KLF8: variants seen among roughly 807,000 people sequenced by gnomAD.
The protein encoded by KLF8 is KLF transcription factor 8.
KLF8 carries 10 observed loss-of-function variants against 18.2 expected under a neutral mutation model. That is an observed-to-expected ratio of 0.55 (90% CI 0.34 to 0.93). The LOEUF (loss-of-function observed/expected upper bound fraction) is 0.93, where lower values mean the gene tolerates loss of function less well. KLF8 is among the 40% of genes least tolerant of loss of function. KLF8 has a pLI of 0.02. For synonymous variants in KLF8, 109 were observed against 97.3 expected, an observed-to-expected ratio of 1.12 and a Z score of -0.71; for missense variants, 264 against 277.9, an observed-to-expected ratio of 0.95 and a Z score of 0.36.
chrX:56,008,093 T>G, the KLF8 span, among the ~76,000 whole-genome samples: 1 of 108,124 alleles, frequency 9.2e-6, no homozygotes, highest in Admixed American at 9.7e-5. Flanking sequence ...GTTATGCAAA[T>G]AACTGGAATT....
At chrX:56,196,474 C>T in the KLF8 span, among the ~76,000 whole-genome samples, 1 of 111,278 alleles carries the variant, frequency 9.0e-6, no homozygotes, top group African/African-American at 3.3e-5. Flanking sequence ...ACACTTTAAA[C>T]CAACAAAGAT....
At chrX:56,170,489 T>C in the KLF8 span, among the ~76,000 whole-genome samples, 1 of 109,517 alleles carries the variant, frequency 9.1e-6, no homozygotes, top group African/African-American at 3.3e-5. Flanking sequence ...AACAAAGAGA[T>C]TGAAATAATT....
the KLF8 span, among the ~76,000 whole-genome samples, chrX:56,210,307 T>A: frequency 1.1e-4 from 12 of 112,111 alleles, no homozygotes; most frequent in East Asian, 2.5e-3. Context: ...TTTCACTAGA[T>A]ATGCTATTCT....
the KLF8 span, among the ~76,000 whole-genome samples, chrX:56,007,884 G>A: frequency 2.7e-5 from 3 of 110,628 alleles, no homozygotes; most frequent in Non-Finnish European, 5.7e-5. Context: ...GATTTGTTCA[G>A]CAAACCACCA....
At chrX:56,137,555 T>G in the KLF8 span, among the ~76,000 whole-genome samples, 1 of 90,433 alleles carries the variant, frequency 1.1e-5, no homozygotes, top group South Asian at 5.9e-4. Context: ...AATTGAACAA[T>G]GAGAACACAG....
At chrX:56,259,318 AC>A (rs1364543948) in intron 2 of KLF8, among the ~76,000 whole-genome samples, 4 of 110,879 alleles carry the variant, frequency 3.6e-5, no homozygotes, top group Non-Finnish European at 5.7e-5. Flanking sequence ...CTACATCAGC[AC>A]TGTCACGCCC....
chrX:56,109,968 T>C, the KLF8 span, among the ~76,000 whole-genome samples: 1 of 109,601 alleles, frequency 9.1e-6, no homozygotes, highest in Admixed American at 9.8e-5. Flanking sequence ...CCATTGTGTG[T>C]TGTTCCCCTC....
chrX:56,093,939 GTGTGTGTGTGTA>G, the KLF8 span, among the ~76,000 whole-genome samples: 3 of 105,140 alleles, frequency 2.9e-5, no homozygotes, highest in African/African-American at 1.1e-4. Flanking sequence ...GTGTGTGTGT[GTGTGTGTGTGTA>G]TGAGAGAGAA....
chrX:55,976,050 G>A, the KLF8 span, among the ~76,000 whole-genome samples: 5 of 111,417 alleles, frequency 4.5e-5, no homozygotes, highest in Non-Finnish European at 7.5e-5. Context: ...TGGAAGTTGC[G>A]GTGAGCTGAG....
the KLF8 span, among the ~76,000 whole-genome samples, chrX:56,067,529 ATCT>A: frequency 9.0e-6 from 1 of 111,316 alleles, no homozygotes; most frequent in East Asian, 2.9e-4. Context: ...CTGCAGGTTG[ATCT>A]TCTGAGAAAC....
At chrX:56,113,724 A>G in the KLF8 span, among the ~76,000 whole-genome samples, 1 of 110,660 alleles carries the variant, frequency 9.0e-6, no homozygotes, top group Non-Finnish European at 1.9e-5. Context: ...ATATGAATGT[A>G]TATTCTGTTG....
At chrX:56,119,637 T>A in the KLF8 span, among the ~76,000 whole-genome samples, 1 of 110,059 alleles carries the variant, frequency 9.1e-6, no homozygotes, top group Non-Finnish European at 1.9e-5. Context: ...CCTGACCTCA[T>A]GATCCACCCG....
the KLF8 span, among the ~76,000 whole-genome samples, chrX:55,998,003 G>C: frequency 9.0e-6 from 1 of 111,714 alleles, no homozygotes; most frequent in African/African-American, 3.3e-5. Context: ...AGACAATAGT[G>C]GGGAGAGGGT....
At chrX:56,145,812 C>G in the KLF8 span, among the ~76,000 whole-genome samples, 2 of 111,015 alleles carry the variant, frequency 1.8e-5, no homozygotes, top group African/African-American at 6.6e-5. Flanking sequence ...TTTTTTCAAT[C>G]TATCCATCTG....
chrX:55,916,042 G>C, the KLF8 span, among the ~76,000 whole-genome samples: 1 of 111,941 alleles, frequency 8.9e-6, no homozygotes, highest in African/African-American at 3.2e-5. Context: ...AACAGGTACT[G>C]GTTCTGTTTG....
chrX:55,990,879 A>G, the KLF8 span, among the ~76,000 whole-genome samples: 1 of 111,261 alleles, frequency 9.0e-6, no homozygotes, highest in South Asian at 3.8e-4. Context: ...TCAGAGGAGT[A>G]CCCAGCCGTA....
chrX:56,159,782 T>C, the KLF8 span, among the ~76,000 whole-genome samples: 1 of 111,711 alleles, frequency 9.0e-6, no homozygotes, highest in African/African-American at 3.3e-5. Flanking sequence ...CTCTCTTTTC[T>C]TCTTTATTAG....
At chrX:56,021,462 G>A in the KLF8 span, among the ~76,000 whole-genome samples, 6 of 111,175 alleles carry the variant, frequency 5.4e-5, no homozygotes, top group African/African-American at 1.6e-4. Flanking sequence ...TGCTACATAT[G>A]TGCACACCCG....
the KLF8 span, among the ~76,000 whole-genome samples, chrX:56,173,313 C>T: frequency 2.5e-4 from 28 of 112,105 alleles, no homozygotes; most frequent in African/African-American, 8.7e-4. Context: ...CAGCTTTCTA[C>T]ATATGGCTAG....
Sources: gnomAD v4.1 joint callset for allele counts (sites outside exome capture counted in the v4.1 genomes callset) on GRCh38, gnomAD v4.1.1 for gene constraint, MANE v1.5 for transcripts, NCBI Gene and HGNC (gene_info 2026-07-23, HGNC 2026-07-21) for gene names.